Variants in OTUD4 observed in about 807,000 individuals in gnomAD.
The protein encoded by OTUD4 is OTU deubiquitinase 4.
Under a neutral mutation model 130.4 loss-of-function variants are expected in OTUD4, and 24 were observed. The ratio of observed to expected loss-of-function variants is 0.18; its 90% CI spans 0.13 to 0.26. OTUD4 has a LOEUF of 0.26. Ranked by LOEUF, OTUD4 falls within the 10% of genes least tolerant of loss-of-function variation. OTUD4 has a pLI of 1.00. For missense variants in OTUD4, 1,031 were observed against 1,329.4 expected (o/e 0.78, Z 3.49); for synonymous variants, 420 against 472.5 (o/e 0.89, Z 1.44).
chr4:145,146,392 T>A lies in OTUD4; in HGVS notation c.1297A>T (p.Thr433Ser). The A allele has an allele frequency of 6.3e-7, 1 of 1,579,312 alleles. No individual in the cohort carries two copies. Among genetic ancestry groups the A allele is most frequent in the Non-Finnish European group, 8.6e-7 (1 of 1,166,650 alleles). The change falls in exon 14 of 21, where the codon ACA becomes TCA. Residue 433 changes from threonine (T) to serine (S), a missense_variant. Physicochemically the swap from Thr to Ser is moderately conservative, Grantham distance 58. Transcript: ENST00000447906. The part of the protein sequence containing the change: ...DRERVEDFDH[T>S]SRESNYFGLS... ...CCGAAATAGTTAGATTCTCGACTTG[T>A]GTGATCAAAATCCTCAACTCTTTCA...
rs763596804 is a variant in OTUD4 at position 145,142,361 on chromosome 4, G to A, written c.1684-27C>T. Reference sequence around the variant, plus strand: ...TTCAAGAAAGGGGTGAGTGGGGGAAGACAGAAAAAGACAAGAGGTCATTTT... The same window carrying A: ...TTCAAGAAAGGGGTGAGTGGGGGAAAACAGAAAAAGACAAGAGGTCATTTT... On this transcript the variant is annotated intron_variant, in intron 17 of 20. Coordinates refer to ENST00000447906, the MANE Select transcript of OTUD4 (RefSeq NM_001366057.1). 3.1e-6 allele frequency: 5 copies of A among 1,605,580 alleles called. No individual in the cohort carries two copies. In the South Asian group the frequency reaches 5.6e-5, roughly 18 times the overall value.
At chr4:145,162,560 AC>A (rs1751631426) in intron 6 of OTUD4, 79 bp downstream of exon 6, 1 of 765,234 alleles carries the variant, frequency 1.3e-6, no homozygotes, top group African/African-American at 1.8e-5. Context: ...TCAAAAAAAA[AC>A]AAAAAACAAA....
chr4:145,161,440 G>A (rs1751560487), intron 6 of OTUD4, among the ~76,000 whole-genome samples: 2 of 152,276 alleles, frequency 1.3e-5, no homozygotes, highest in South Asian at 4.1e-4. Context: ...GTTACCACTA[G>A]CTTAAGAGCA....
intron 10 of OTUD4, among the ~76,000 whole-genome samples, chr4:145,154,131 A>G (rs185261274): frequency 6.6e-6 from 1 of 152,382 alleles, no homozygotes; most frequent in African/African-American, 2.4e-5. Context: ...GTGATACAGC[A>G]TAAGCCATCT....
At chr4:145,176,564 T>C (rs1057453313) in intron 1 of OTUD4, among the ~76,000 whole-genome samples, 11 of 148,436 alleles carry the variant, frequency 7.4e-5, no homozygotes, top group Admixed American at 2.0e-4. Flanking sequence ...CCAGGTGTGG[T>C]GGTGCGTGCC....
chr4:145,174,849 G>C lies in OTUD4; in HGVS notation c.160-105C>G, dbSNP rs1752344495. 7.6e-6 allele frequency: 5 copies of C among 661,470 alleles called. No homozygotes were observed. The South Asian group carries it at 8.4e-5, about 11-fold the overall frequency. 41.0% of individuals were successfully genotyped at this position (661,470 alleles called of 1,614,324 possible). A position where few individuals can be genotyped will look rare whatever the true frequency, so the allele number is the denominator to read the frequency against. On this transcript the variant is annotated intron_variant, in intron 1 of 20. Transcript: ENST00000447906. ...TAATCTGACAACCAATAGATTATCAGTCTTTCTCCATTTCCCTTTCTATAA... is the reference window on the plus strand; with the variant it reads ...TAATCTGACAACCAATAGATTATCACTCTTTCTCCATTTCCCTTTCTATAA...
intron 10 of OTUD4, 42 bp from the exon 11 acceptor site, chr4:145,152,677 T>C: frequency 9.1e-7 from 1 of 1,098,392 alleles, no homozygotes; most frequent in Non-Finnish European, 1.4e-6. Flanking sequence ...AAAAAATCAG[T>C]CACCTGCTTC....
At chr4:145,171,872 T>C in intron 2 of OTUD4, 152 bp from the exon 3 acceptor site, 2 of 609,000 alleles carry the variant, frequency 3.3e-6, no homozygotes, top group Non-Finnish European at 5.9e-6. Context: ...ATAATCTAAT[T>C]ATGAAAACAT....
At chr4:145,144,952 C>G (rs1750749427) in intron 14 of OTUD4, among the ~76,000 whole-genome samples, 1 of 152,110 alleles carries the variant, frequency 6.6e-6, no homozygotes, top group African/African-American at 2.4e-5. Flanking sequence ...TAAATTATCA[C>G]TGAGGGTTCT....
At chr4:145,139,656 T>A (rs1750460789) in intron 20 of OTUD4, among the ~76,000 whole-genome samples, 1 of 152,180 alleles carries the variant, frequency 6.6e-6, no homozygotes, top group Non-Finnish European at 1.5e-5. Flanking sequence ...AAGCCCAGAT[T>A]TACATCTAAT....
intron 2 of OTUD4, 32 bp from the exon 3 acceptor site, chr4:145,171,752 C>T: frequency 1.0e-6 from 1 of 955,770 alleles, no homozygotes; most frequent in Middle Eastern, 2.1e-4. Context: ...GAAATGTCAT[C>T]TAACATATAT....
At position 145,134,552 on chromosome 4, in the gene OTUD4, C is replaced by T. The variant is rs969777359; in HGVS notation, c.*2878G>A. ...ACCTTGAGTCACAAAGGAAACAACA[C>T]GCTGCAAGAATACAGTCTGCATTAA... On this transcript the variant is annotated 3_prime_UTR_variant, in exon 21 of 21. Coordinates refer to ENST00000447906, the MANE Select transcript of OTUD4 (RefSeq NM_001366057.1). 8.1e-5 allele frequency: 32 copies of T among 396,524 alleles called. No individual in the cohort carries two copies. The highest frequency in any genetic ancestry group is 1.2e-4 in the Non-Finnish European group (28 of 225,086). 24.6% of individuals were successfully genotyped at this position (396,524 alleles called of 1,614,324 possible). A position where few individuals can be genotyped will look rare whatever the true frequency, so the allele number is the denominator to read the frequency against.
chr4:145,140,159 C>G (rs547848919), intron 19 of OTUD4, among the ~76,000 whole-genome samples, 168 bp from the exon 20 acceptor site: 1 of 152,146 alleles, frequency 6.6e-6, no homozygotes, highest in South Asian at 2.1e-4. Flanking sequence ...AACCCAAAAA[C>G]AGGTTGTTCC....
chr4:145,173,117 C>G (rs1752256814), intron 2 of OTUD4, among the ~76,000 whole-genome samples: 2 of 152,202 alleles, frequency 1.3e-5, no homozygotes, highest in Non-Finnish European at 1.5e-5. Flanking sequence ...TAAGGCCAGG[C>G]ACGGTGGCTC....
At chr4:145,174,542 A>T in intron 2 of OTUD4, 119 bp downstream of exon 2, 1 of 611,538 alleles carries the variant, frequency 1.6e-6, no homozygotes, top group Admixed American at 2.8e-5. Flanking sequence ...TTTTTTAATA[A>T]GTGTTATTTT....
intron 16 of OTUD4, among the ~76,000 whole-genome samples, 193 bp from the exon 17 acceptor site, chr4:145,143,638 T>C (rs1311869477): frequency 6.6e-6 from 1 of 152,174 alleles, no homozygotes; most frequent in Non-Finnish European, 1.5e-5. Context: ...ATCAAACTAC[T>C]GGGCAGTTTT....
intron 17 of OTUD4, 27 bp downstream of exon 17, chr4:145,143,338 C>G: frequency 7.2e-7 from 1 of 1,391,810 alleles, no homozygotes; most frequent in Non-Finnish European, 1.0e-6. Context: ...GTGGAGCATT[C>G]AATGTTAAAT....
rs777153755 is a variant in OTUD4, at chr4:145,155,635, G to C, written c.742C>G (p.Leu248Val). ...STSLPLSRKV[L>V]KSLNPAVYRN... is the part of the protein sequence containing the mutation. ...TAGACTGCAGGATTGAGTGACTTAA[G>C]AACCTTTCTAGACAAAGGCAGGCTA... Residue 248 changes from leucine to valine, a missense_variant, in exon 9 of 21, where the codon CTT becomes GTT. Around this residue, in one of 3 missense-constraint regions of OTUD4, gnomAD observed 900 missense variants for 1,095.9 expected, o/e 0.82. Coordinates refer to ENST00000447906, the MANE Select transcript of OTUD4 (RefSeq NM_001366057.1). The C allele has an allele frequency of 2.5e-6, 4 of 1,613,016 alleles. No homozygotes were observed. Among genetic ancestry groups the C allele is most frequent in the African/African-American group, 2.7e-5 (2 of 74,892 alleles).
chr4:145,179,768 G>T, intron 1 of OTUD4, 47 bp downstream of exon 1: 1 of 1,426,650 alleles, frequency 7.0e-7, no homozygotes, highest in Non-Finnish European at 9.3e-7. Context: ...GACCCGCCGG[G>T]CCGTCCCCGC....
Sources: gnomAD v4.1 joint callset for allele counts (sites outside exome capture counted in the v4.1 genomes callset) on GRCh38, gnomAD v4.1.1 for gene constraint, gnomAD v4.1.1 regional missense constraint, MANE v1.5 for transcripts, NCBI Gene and HGNC (gene_info 2026-07-23, HGNC 2026-07-21) for gene names.